Variants in TLN2 observed in about 807,000 individuals in gnomAD.
TLN2 encodes the protein talin-2.
A neutral mutation model predicts 294.7 loss-of-function variants in TLN2; 118 were observed. That is an observed-to-expected ratio of 0.40 (90% CI 0.34 to 0.47). The LOEUF (loss-of-function observed/expected upper bound fraction) is 0.47. Ranked by LOEUF, TLN2 falls within the 20% of genes least tolerant of loss-of-function variation. The pLI is 0.84. For missense variants in TLN2, 3,083 were observed against 3,282.2 expected (o/e 0.94, Z 1.48); for synonymous variants, 1,431 against 1,304.5 (o/e 1.10, Z -2.09).
rs199745522 is a variant in TLN2 at position 62,802,295 on chromosome 15, AT to A, written c.6477+1536del. Among the ~76,000 whole-genome samples the A allele has an allele frequency of 5.7e-3, 843 of 148,866 alleles. 4 individuals carry two copies. The highest frequency in any genetic ancestry group is 8.4e-3 in the Non-Finnish European group (564 of 67,116). On this transcript the variant is annotated intron_variant, in intron 50 of 58. Transcript: ENST00000636159. ...ATGTTGTTGCTAATGATAGGATCTCATTTTTTTTTTCCTATGGCTGAATAGT... is the reference window on the plus strand; with the variant it reads ...ATGTTGTTGCTAATGATAGGATCTCATTTTTTTTTCCTATGGCTGAATAGT...
intron 1 of TLN2, among the ~76,000 whole-genome samples, chr15:62,446,019 A>G (rs924244356): frequency 6.8e-6 from 1 of 147,602 alleles, no homozygotes; most frequent in Non-Finnish European, 1.5e-5. Context: ...TTTTATTTTT[A>G]TTTTTTTGAG....
At chr15:62,410,461 T>TA (rs989367664) in intron 1 of TLN2, among the ~76,000 whole-genome samples, 6 of 151,938 alleles carry the variant, frequency 3.9e-5, no homozygotes, top group African/African-American at 1.5e-4. Flanking sequence ...AACCTGATTT[T>TA]AAAAAAAAGG....
chr15:62,703,331 A>T (rs1255851821), intron 19 of TLN2, among the ~76,000 whole-genome samples: 1 of 151,616 alleles, frequency 6.6e-6, no homozygotes, highest in Non-Finnish European at 1.5e-5. Context: ...TCGAACTTTG[A>T]CCTCGTGATC....
intron 1 of TLN2, among the ~76,000 whole-genome samples, chr15:62,394,155 A>G (rs2032333504): frequency 6.6e-6 from 1 of 152,148 alleles, no homozygotes; most frequent in South Asian, 2.1e-4. Context: ...TTGTAACTTC[A>G]AAAGGTTAGA....
At chr15:62,683,747 T>TGCCTGCTTTA (rs2057057845) in intron 11 of TLN2, among the ~76,000 whole-genome samples, 1 of 152,188 alleles carries the variant, frequency 6.6e-6, no homozygotes, top group East Asian at 1.9e-4. Context: ...TCTTCACTGG[T>TGCCTGCTTTA]GCCTGCTTTA....
At chr15:62,417,271 C>T (rs2034135940) in intron 1 of TLN2, among the ~76,000 whole-genome samples, 1 of 152,160 alleles carries the variant, frequency 6.6e-6, no homozygotes, top group Non-Finnish European at 1.5e-5. Context: ...AGCGTGCTTC[C>T]TTCGGCATCT....
At chr15:62,586,029 G>A (rs543956626) in intron 1 of TLN2, among the ~76,000 whole-genome samples, 1 of 108,760 alleles carries the variant, frequency 9.2e-6, no homozygotes, top group East Asian at 5.0e-4. Context: ...GCACAGAGAG[G>A]TTAAGGCATA....
In TLN2 at chr15:62,499,447, A is replaced by G. The variant is rs116121045; in HGVS notation, c.-237-90240A>G. Reference sequence around the variant, plus strand: ...CCTGGGTTACACAGTGTCTCCAAAAAAATAAAATAAATAGAGAAATGGCCT... The same window carrying G: ...CCTGGGTTACACAGTGTCTCCAAAAGAATAAAATAAATAGAGAAATGGCCT... On this transcript the variant is annotated intron_variant, in intron 1 of 58. Coordinates refer to ENST00000636159, the MANE Select transcript of TLN2 (RefSeq NM_015059.3). Among the ~76,000 whole-genome samples, 732 of 152,284 alleles carry G rather than the reference A, an allele frequency of 4.8e-3. 6 individuals carry two copies. Among genetic ancestry groups the G allele is most frequent in the African/African-American group, 0.017 (704 of 41,550 alleles).
rs766640611 is a variant in TLN2, at chr15:62,842,536, G to T, written c.*1926G>T. ...CTCTGGGGATCCCCTCTGTGGCCCA[G>T]CCCACCCCACCCTCTGCTCTTCTAT... On this transcript the variant is annotated 3_prime_UTR_variant, in exon 59 of 59. Coordinates refer to ENST00000636159, the MANE Select transcript of TLN2 (RefSeq NM_015059.3). 5 of 134,298 alleles carry T rather than the reference G, an allele frequency of 3.7e-5. No individual in the cohort carries two copies. Among genetic ancestry groups the T allele is most frequent in the Non-Finnish European group, 6.3e-5 (4 of 63,096 alleles). The allele number at this position is 134,298 out of a possible 1,614,324, so 8.3% of individuals were successfully genotyped here. A position where few individuals can be genotyped will look rare whatever the true frequency, so the allele number is the denominator to read the frequency against.
intron 35 of TLN2, among the ~76,000 whole-genome samples, chr15:62,753,044 C>T (rs1360875756): frequency 1.3e-5 from 2 of 152,094 alleles, no homozygotes; most frequent in Non-Finnish European, 2.9e-5. Flanking sequence ...TACCTTTATC[C>T]TTCCCCTCAG....
At chr15:62,460,702 T>C (rs2036751820) in intron 1 of TLN2, among the ~76,000 whole-genome samples, 1 of 152,180 alleles carries the variant, frequency 6.6e-6, no homozygotes, top group Admixed American at 6.5e-5. Context: ...CCATGTTTAT[T>C]TCAGATAATG....
intron 1 of TLN2, among the ~76,000 whole-genome samples, chr15:62,436,761 T>A (rs2140298334): frequency 6.6e-6 from 1 of 152,352 alleles, no homozygotes; most frequent in South Asian, 2.1e-4. Context: ...TCTCACTCTG[T>A]CACCCAGCCT....
At chr15:62,826,001 G>C (rs867551536) in intron 54 of TLN2, among the ~76,000 whole-genome samples, 67 of 147,432 alleles carry the variant, frequency 4.5e-4, no homozygotes, top group African/African-American at 1.5e-3. Flanking sequence ...ACTCCAGCCT[G>C]GGTGACAGAG....
chr15:62,694,094 T>C (rs574471293), intron 13 of TLN2, among the ~76,000 whole-genome samples: 9 of 151,554 alleles, frequency 5.9e-5, no homozygotes, highest in Non-Finnish European at 8.8e-5. Context: ...CAGCTTCCGG[T>C]GTAGCTGGGA....
intron 1 of TLN2, among the ~76,000 whole-genome samples, chr15:62,397,437 A>AT (rs897510232): frequency 6.6e-6 from 1 of 151,906 alleles, no homozygotes; most frequent in African/African-American, 2.4e-5. Flanking sequence ...TGTATTTGAT[A>AT]TTTTTTTGTA....
intron 1 of TLN2, among the ~76,000 whole-genome samples, chr15:62,498,257 C>A (rs2039122499): frequency 2.7e-5 from 4 of 150,504 alleles, no homozygotes; most frequent in South Asian, 2.1e-4. Context: ...TAACCTGGTT[C>A]TTCTTACTTA....
chr15:62,826,134 G>C (rs1205618296), intron 54 of TLN2, among the ~76,000 whole-genome samples: 3 of 151,592 alleles, frequency 2.0e-5, no homozygotes, highest in Non-Finnish European at 4.4e-5. Flanking sequence ...TTAAGATGTA[G>C]GGAGTTTATC....
At chr15:62,591,924 G>T (rs1024514740) in intron 2 of TLN2, among the ~76,000 whole-genome samples, 4 of 152,166 alleles carry the variant, frequency 2.6e-5, no homozygotes, top group African/African-American at 4.8e-5. Context: ...AGGGTGCTGA[G>T]TGGTCCAATC....
intron 1 of TLN2, among the ~76,000 whole-genome samples, chr15:62,564,022 G>C (rs1483267080): frequency 6.6e-6 from 1 of 152,212 alleles, no homozygotes. Flanking sequence ...GATCCAGTAA[G>C]TTATTTGATA....
Sources: allele counts gnomAD v4.1 joint callset (sites outside exome capture counted in the v4.1 genomes callset), GRCh38; gene constraint gnomAD v4.1.1; transcripts MANE v1.5; gene names NCBI Gene and HGNC (gene_info 2026-07-23, HGNC 2026-07-21).